Variants in NT5C1B observed in about 807,000 individuals in gnomAD.
NT5C1B encodes the protein 5'-nucleotidase, cytosolic IB, also known as cytosolic 5'-nucleotidase 1B.
Under a neutral mutation model 57.8 loss-of-function variants are expected in NT5C1B, and 44 were observed. The observed-to-expected ratio is 0.76, with a 90% CI of 0.60 to 0.98. The LOEUF is 0.98. Among genes scored for constraint, NT5C1B ranks in the 50% least tolerant of loss-of-function variants. NT5C1B has a pLI of 0.00. For synonymous variants in NT5C1B, 284 were observed against 282.6 expected, an observed-to-expected ratio of 1.00 and a Z score of -0.05; for missense variants, 742 against 719.5, an observed-to-expected ratio of 1.03 and a Z score of -0.36.
At chr2:18,582,794 A>G (rs1253966919) in intron 6 of NT5C1B, 74 bp downstream of exon 6, 8 of 1,561,728 alleles carry the variant, frequency 5.1e-6, no homozygotes, top group South Asian at 3.7e-5. Context: ...GTTAAGCCAC[A>G]GTTAGCAAAA....
chr2:18,586,204 C>T, intron 3 of NT5C1B, 50 bp downstream of exon 3: 3 of 1,594,842 alleles, frequency 1.9e-6, no homozygotes, highest in Non-Finnish European at 1.7e-6. Flanking sequence ...TAAATGTTAA[C>T]CATTGTTATT....
In NT5C1B at chr2:18,584,549, A is replaced by C. The variant is rs1666500839; in HGVS notation, c.688T>G (p.Tyr230Asp). 6.2e-7 allele frequency: 1 copy of C among 1,612,452 alleles called. No homozygotes were observed. The change falls in exon 4 of 9, where the codon TAC becomes GAC. Residue 230 changes from tyrosine to aspartate, a missense_variant. Transcript: ENST00000304081. This position sits in a 1 kb window ranked among gnomAD's most constrained non-coding sequence, Gnocchi z 5.8. ...CGCGAGCAGCTCGGGTTCTTCTCGT[A>C]GAACGACCTCATGGATGCCCAGTAG...
In NT5C1B at chr2:18,589,561, A is replaced by G; in HGVS notation, c.-93T>C. 1 of 1,577,548 alleles carries G rather than the reference A, an allele frequency of 6.3e-7. No homozygotes were observed. Among genetic ancestry groups the G allele is most frequent in the African/African-American group, 1.3e-5 (1 of 74,434 alleles). On this transcript the variant is annotated 5_prime_UTR_variant, in exon 1 of 9. An upstream start codon of the reference 5' UTR is lost. Transcript: ENST00000304081. ...CTTCCCTTGCTCAGTCTAGCTTTGC[A>G]TTTAGAATGTCAAATTTATGACATC... is the stretch of plus-strand genomic sequence containing the variant.
intron 8 of NT5C1B, 24 bp from the exon 9 acceptor site, chr2:18,564,143 GCTGTGATA>G (rs1664424730): frequency 3.3e-6 from 5 of 1,525,300 alleles, no homozygotes; most frequent in Non-Finnish European, 4.4e-6. Context: ...ATATATCACA[GCTGTGATA>G]CAGTGAGCCA....
intron 8 of NT5C1B, among the ~76,000 whole-genome samples, chr2:18,570,011 A>G (rs569980911): frequency 2.5e-4 from 38 of 152,262 alleles, no homozygotes; most frequent in South Asian, 6.2e-4. Context: ...TTTTCTAATC[A>G]CAACACAACA....
At chr2:18,581,282 CCT>C (rs1666159365) in intron 6 of NT5C1B, among the ~76,000 whole-genome samples, 1 of 151,988 alleles carries the variant, frequency 6.6e-6, no homozygotes. Flanking sequence ...ACCTAAGATT[CCT>C]TTTTTTTAAA....
Position 18,580,026 on chromosome 2 carries a change from G to T in NT5C1B, c.1021+2842C>A, listed in dbSNP as rs574899071. ...ACATACATGCAGCCAACAAGCGTATGAAAAAAATGCTTAACCTCACTAATC... is the reference window on the plus strand; with the variant it reads ...ACATACATGCAGCCAACAAGCGTATTAAAAAAATGCTTAACCTCACTAATC... On this transcript the variant is annotated intron_variant, in intron 6 of 8. Transcript: ENST00000304081. 2.6e-4 allele frequency among the ~76,000 whole-genome samples: 40 copies of T among 152,052 alleles called. No individual in the cohort carries two copies. The East Asian group carries it at 6.8e-3, about 26-fold the overall frequency.
In NT5C1B at chr2:18,585,358, A is replaced by G. The variant is rs573888174; in HGVS notation, c.259-380T>C. 1.8e-4 allele frequency among the ~76,000 whole-genome samples: 27 copies of G among 152,324 alleles called. No individual in the cohort carries two copies. In the South Asian group the frequency reaches 5.6e-3, roughly 32 times the overall value. The stretch of plus-strand genomic sequence containing the variant: ...CCTGCAGGTAGGACAGAGGGCATGC[A>G]GAATGGATCTTGCTTGGCCAGTGCC... On this transcript the variant is annotated intron_variant, in intron 3 of 8. Coordinates refer to ENST00000304081, the Ensembl canonical transcript of NT5C1B.
intron 6 of NT5C1B, among the ~76,000 whole-genome samples, chr2:18,577,994 C>A (rs1339382033): frequency 6.6e-6 from 1 of 152,204 alleles, no homozygotes; most frequent in Admixed American, 6.5e-5. Context: ...TTACAGACAC[C>A]TCTATGCATA....
At chr2:18,574,671 C>T (rs1023603359) in intron 8 of NT5C1B, among the ~76,000 whole-genome samples, 1 of 152,010 alleles carries the variant, frequency 6.6e-6, no homozygotes, top group African/African-American at 2.4e-5. Context: ...GAAATACTAC[C>T]ATTTGTAACA....
intron 8 of NT5C1B, among the ~76,000 whole-genome samples, chr2:18,574,985 G>A: frequency 6.6e-6 from 1 of 151,526 alleles, no homozygotes. Context: ...CAATAAAGCT[G>A]AAAAAAAGAA....
chr2:18,564,018 T>G, exon 9 of NT5C1B: 1 of 1,614,060 alleles, frequency 6.2e-7, no homozygotes, highest in East Asian at 2.2e-5. Context: ...CACTCCTAGC[T>G]GTAACCAGGT....
chr2:18,583,716 G>T, intron 5 of NT5C1B: 2 of 403,878 alleles, frequency 5.0e-6, no homozygotes. Context: ...TATGTTTGGG[G>T]CCAGAAGAGC....
At chr2:18,568,578 G>A (rs1328533737) in intron 8 of NT5C1B, among the ~76,000 whole-genome samples, 2 of 152,128 alleles carry the variant, frequency 1.3e-5, no homozygotes, top group African/African-American at 4.8e-5. Context: ...TTATTTACTA[G>A]ACGGTATTTA....
At chr2:18,568,023 A>G (rs1351580008) in intron 8 of NT5C1B, among the ~76,000 whole-genome samples, 1 of 151,922 alleles carries the variant, frequency 6.6e-6, no homozygotes, top group East Asian at 1.9e-4. Flanking sequence ...GAAATTGCCC[A>G]AACTGAAAAG....
intron 2 of NT5C1B, chr2:18,586,944 C>G (rs774896159): frequency 1.2e-6 from 2 of 1,613,346 alleles, no homozygotes; most frequent in African/African-American, 1.3e-5. Flanking sequence ...TCCCCTCACC[C>G]AGGTTGTCTG....
intron 1 of NT5C1B, among the ~76,000 whole-genome samples, chr2:18,589,130 C>A (rs1250342132): frequency 6.6e-6 from 1 of 152,158 alleles, no homozygotes; most frequent in African/African-American, 2.4e-5. Context: ...TCAAAGACAG[C>A]CACTGTTTTT....
At chr2:18,583,965 A>C in intron 5 of NT5C1B, 123 bp downstream of exon 5, 1 of 1,559,262 alleles carries the variant, frequency 6.4e-7, no homozygotes, top group Middle Eastern at 1.7e-4. Context: ...AGCTAGAAGG[A>C]GACAAGAATG....
At chr2:18,585,067 A>C in intron 3 of NT5C1B, 89 bp from the exon 4 acceptor site, 1 of 1,536,318 alleles carries the variant, frequency 6.5e-7, no homozygotes, top group Admixed American at 1.7e-5. Flanking sequence ...CCATTCCTAG[A>C]CCTTTGATGG....
Sources: allele counts gnomAD v4.1 joint callset (sites outside exome capture counted in the v4.1 genomes callset), GRCh38; gene constraint gnomAD v4.1.1; non-coding constraint Gnocchi (gnomAD v3.1); transcripts MANE v1.5; gene names NCBI Gene and HGNC (gene_info 2026-07-23, HGNC 2026-07-21).